IQSEC1: variants seen among roughly 807,000 people sequenced by gnomAD.
IQSEC1 encodes IQ motif and SEC7 domain-containing protein 1.
IQSEC1 carries 31 observed loss-of-function variants against 91.0 expected under a neutral mutation model. The observed-to-expected ratio is 0.34, with a 90% CI of 0.26 to 0.46. IQSEC1 has a LOEUF of 0.46. Among genes scored for constraint, IQSEC1 ranks in the 20% least tolerant of loss-of-function variants. The pLI, the probability that IQSEC1 is intolerant of heterozygous loss-of-function variation, is 1.00. For missense variants in IQSEC1, 1,388 were observed against 1,575.6 expected, an observed-to-expected ratio of 0.88 and a Z score of 2.02; for synonymous variants, 699 against 662.6, an observed-to-expected ratio of 1.05 and a Z score of -0.84.
intron 3 of IQSEC1, among the ~76,000 whole-genome samples, chr3:12,928,089 G>A (rs901420846): frequency 2.0e-5 from 3 of 152,232 alleles, no homozygotes; most frequent in African/African-American, 4.8e-5. Flanking sequence ...TGGGGAGATC[G>A]TGGGCCAGGG....
intron 2 of IQSEC1, among the ~76,000 whole-genome samples, chr3:13,095,793 G>A (rs559689144): frequency 3.3e-5 from 5 of 152,298 alleles, no homozygotes; most frequent in East Asian, 3.9e-4. Context: ...GGGAGCGGGC[G>A]GGGCAGCTTT....
In IQSEC1 at chr3:12,920,683, T is replaced by C. The variant is rs1005778817; in HGVS notation, c.1854-87A>G. On this transcript the variant is annotated intron_variant, in intron 5 of 13. Transcript: ENST00000613206. ...ACCCGCTGAGGCTGTCATGTGCCGC[T>C]AAGCCTCAGCTCCTGCTTCTGGTGA... 6.4e-6 allele frequency: 9 copies of C among 1,399,056 alleles called. No homozygotes were observed. The African/African-American group carries it at 1.3e-4, about 20-fold the overall frequency. The allele number at this position is 1,399,056 out of a possible 1,614,324, so 86.7% of individuals were successfully genotyped here.
At chr3:13,277,730 T>A (rs1267621734) in intron 1 of IQSEC1, among the ~76,000 whole-genome samples, 2 of 152,180 alleles carry the variant, frequency 1.3e-5, no homozygotes, top group Admixed American at 6.5e-5. Context: ...AACCAAAACA[T>A]GACACAGTAT....
At chr3:13,033,724 C>A (rs896444972) in intron 1 of IQSEC1, among the ~76,000 whole-genome samples, 1 of 152,140 alleles carries the variant, frequency 6.6e-6, no homozygotes, top group African/African-American at 2.4e-5. Context: ...ACGTCCCAGC[C>A]TGTGGGCACC....
intron 1 of IQSEC1, among the ~76,000 whole-genome samples, chr3:12,987,245 C>G (rs1220595683): frequency 6.6e-6 from 1 of 152,276 alleles, no homozygotes; most frequent in Non-Finnish European, 1.5e-5. Context: ...CCGCCTTGCC[C>G]TCGCCCTGTC....
intron 2 of IQSEC1, among the ~76,000 whole-genome samples, chr3:13,161,150 C>T (rs1331254361): frequency 6.6e-6 from 1 of 152,218 alleles, no homozygotes; most frequent in Non-Finnish European, 1.5e-5. Context: ...AATCATGGGC[C>T]GCATTTAGAA....
At chr3:13,092,574 G>A (rs1299643232) in intron 2 of IQSEC1, among the ~76,000 whole-genome samples, 1 of 152,144 alleles carries the variant, frequency 6.6e-6, no homozygotes, top group African/African-American at 2.4e-5. Flanking sequence ...AGCAGCGCGT[G>A]CCTGGGTGCT....
At position 12,940,290 on chromosome 3, in the gene IQSEC1, C is replaced by T. The variant is rs924332350; in HGVS notation, c.318+1281G>A. On this transcript the variant is annotated intron_variant, in intron 2 of 13. Transcript: ENST00000613206. This position sits in a 1 kb window ranked among gnomAD's most constrained non-coding sequence, Gnocchi z 4.4. ...AGAGTGGACGACCCCCAACCCCAGG[C>T]AGTATCTGCACCACTCCCTTAGGAA... Among the ~76,000 whole-genome samples the T allele has an allele frequency of 7.9e-5, 12 of 152,060 alleles. No individual in the cohort carries two copies. The highest frequency in any genetic ancestry group is 1.3e-4 in the Non-Finnish European group (9 of 68,012).
chr3:13,208,360 C>A (rs551132186), intron 1 of IQSEC1, among the ~76,000 whole-genome samples: 75 of 152,162 alleles, frequency 4.9e-4, no homozygotes, highest in African/African-American at 1.7e-3. Context: ...TCTTCTCCAG[C>A]CCCAGATCCC....
intron 1 of IQSEC1, among the ~76,000 whole-genome samples, chr3:13,280,582 C>T (rs1695772174): frequency 6.6e-6 from 1 of 152,170 alleles, no homozygotes; most frequent in Admixed American, 6.5e-5. Flanking sequence ...TTGAAGGGAA[C>T]CCACCCACAG....
chr3:12,906,547 C>T (rs983269228), intron 12 of IQSEC1, among the ~76,000 whole-genome samples: 4 of 152,254 alleles, frequency 2.6e-5, no homozygotes, highest in African/African-American at 9.6e-5. Context: ...ATCTGTTCCT[C>T]CTTTTGTTTC....
chr3:12,978,168 TCA>T (rs1701276528), intron 1 of IQSEC1, among the ~76,000 whole-genome samples: 1 of 152,220 alleles, frequency 6.6e-6, no homozygotes, highest in South Asian at 2.1e-4. Context: ...TTCTGATTTA[TCA>T]CAGAGGCCTT....
chr3:13,223,501 G>A (rs1436796589), intron 1 of IQSEC1, among the ~76,000 whole-genome samples: 1 of 152,158 alleles, frequency 6.6e-6, no homozygotes, highest in African/African-American at 2.4e-5. Context: ...GAACTCCTTG[G>A]GGATGGCAGC....
At chr3:13,074,051 A>G (rs1576238048), upstream of IQSEC1, among the ~76,000 whole-genome samples, 1 of 152,240 alleles carries the variant, frequency 6.6e-6, no homozygotes, top group East Asian at 1.9e-4. Context: ...CCGGGCAAGT[A>G]TCTGCCCTCA....
Position 12,967,320 on chromosome 3 carries a change from C to A in IQSEC1, c.24-25455G>T, listed in dbSNP as rs1700643632. ...TCACCCGCACTCCCGCACAGGCATC[C>A]CCACAGCCTGCGCCAGCCCACCGCT... is the stretch of plus-strand genomic sequence containing the variant. On this transcript the variant is annotated intron_variant, in intron 1 of 13. Transcript: ENST00000613206. This position sits in a 1 kb window ranked among gnomAD's most constrained non-coding sequence, Gnocchi z 5.9. The A allele has an allele frequency of 7.2e-7, 1 of 1,388,520 alleles. No homozygotes were observed. The highest frequency in any genetic ancestry group is 9.8e-7 in the Non-Finnish European group (1 of 1,022,792). 86.0% of individuals were successfully genotyped at this position (1,388,520 alleles called of 1,614,324 possible). A position where few individuals can be genotyped will look rare whatever the true frequency, so the allele number is the denominator to read the frequency against.
intron 1 of IQSEC1, among the ~76,000 whole-genome samples, chr3:13,053,984 C>T (rs1422416089): frequency 6.6e-6 from 1 of 152,140 alleles, no homozygotes; most frequent in African/African-American, 2.4e-5. Flanking sequence ...GTTTTAGTTA[C>T]ACAAAAATAC....
intron 4 of IQSEC1, among the ~76,000 whole-genome samples, chr3:12,923,190 G>A (rs1037090364): frequency 2.4e-4 from 36 of 152,300 alleles, no homozygotes; most frequent in African/African-American, 7.7e-4. Flanking sequence ...GTGGTGGCCC[G>A]GGGGAGCCAG....
At chr3:12,902,669 C>CAAAAAAAAAAAAAA (rs1491107651) in intron 13 of IQSEC1, 104 bp downstream of exon 13, 6 of 328,344 alleles carry the variant, frequency 1.8e-5, no homozygotes, top group Admixed American at 1.3e-4. Flanking sequence ...AAAAAAAAAA[C>CAAAAAAAAAAAAAA]CAAAAAAAAA....
chr3:13,261,419 C>A (rs962100403), intron 1 of IQSEC1, among the ~76,000 whole-genome samples: 6 of 152,176 alleles, frequency 3.9e-5, no homozygotes, highest in African/African-American at 1.4e-4. Context: ...CCCCTCGATG[C>A]CCCCTCTACC....
Sources: gnomAD v4.1 joint callset for allele counts (sites outside exome capture counted in the v4.1 genomes callset) on GRCh38, gnomAD v4.1.1 for gene constraint, Gnocchi (gnomAD v3.1) non-coding constraint, MANE v1.5 for transcripts, NCBI Gene and HGNC (gene_info 2026-07-23, HGNC 2026-07-21) for gene names.